WWC2: variants seen among roughly 807,000 people sequenced by gnomAD.
WWC2 encodes the protein WW and C2 domain containing 2.
A neutral mutation model predicts 138.5 loss-of-function variants in WWC2; 101 were observed. The observed-to-expected ratio is 0.73, with a 90% confidence interval of 0.62 to 0.86. The LOEUF (loss-of-function observed/expected upper bound fraction) is 0.86, where lower values mean the gene tolerates loss of function less well. WWC2 is among the 40% of genes least tolerant of loss of function. The pLI is 0.00. For missense variants in WWC2, 1,420 were observed against 1,419.4 expected, an observed-to-expected ratio of 1.00 and a Z score of -0.01; for synonymous variants, 558 against 538.4, an observed-to-expected ratio of 1.04 and a Z score of -0.50.
intron 1 of WWC2, among the ~76,000 whole-genome samples, chr4:183,113,295 A>G (rs1305083861): frequency 2.6e-5 from 4 of 151,978 alleles, no homozygotes; most frequent in Non-Finnish European, 5.9e-5. Flanking sequence ...GGAGGGTCTT[A>G]TGAAATGAGG....
Position 183,099,580 on chromosome 4 carries a change from A to T in WWC2, c.89A>T (p.Asp30Val). ...TACGACGGCAAGGTCTTCTACATTG[A>T]CCACAACACCAGGAGGACCAGCTGG... Reference protein sequence around the residue: ...RDYDGKVFYIDHNTRRTSWID... With the variant: ...RDYDGKVFYIVHNTRRTSWID... The change falls in exon 1 of 23, where the codon GAC becomes GTC. Residue 30 changes from aspartate to valine, a missense_variant. Coordinates refer to ENST00000403733, the MANE Select transcript of WWC2 (RefSeq NM_024949.6). 7.1e-7 allele frequency: 1 copy of T among 1,405,904 alleles called. No homozygotes were observed. Among genetic ancestry groups the T allele is most frequent in the Non-Finnish European group, 9.4e-7 (1 of 1,063,022 alleles). The allele number at this position is 1,405,904 out of a possible 1,614,324, so 87.1% of individuals were successfully genotyped here. A position where few individuals can be genotyped will look rare whatever the true frequency, so the allele number is the denominator to read the frequency against.
chr4:183,225,906 T>C (rs935364364), intron 4 of WWC2, among the ~76,000 whole-genome samples: 4 of 152,162 alleles, frequency 2.6e-5, no homozygotes. Context: ...CCACCAAATA[T>C]TGAATGCAGA....
chr4:183,226,093 TTC>T (rs1490503689), intron 4 of WWC2, among the ~76,000 whole-genome samples: 176 of 133,224 alleles, frequency 1.3e-3, no homozygotes, highest in African/African-American at 6.8e-3. Flanking sequence ...TTCTTTTCTT[TTC>T]TTTTTTTTTT....
intron 21 of WWC2, among the ~76,000 whole-genome samples, chr4:183,303,690 A>G (rs1738936004): frequency 6.6e-6 from 1 of 152,170 alleles, no homozygotes; most frequent in Non-Finnish European, 1.5e-5. Context: ...ATAAATTTGG[A>G]TTTTATATCA....
intron 16 of WWC2, among the ~76,000 whole-genome samples, chr4:183,277,981 A>G (rs1307595068): frequency 1.3e-5 from 2 of 151,630 alleles, no homozygotes; most frequent in African/African-American, 2.4e-5. Flanking sequence ...CTTTAGTTTA[A>G]TTAGATCCCA....
intron 4 of WWC2, among the ~76,000 whole-genome samples, chr4:183,227,935 C>G (rs1023372135): frequency 6.6e-6 from 1 of 151,814 alleles, no homozygotes; most frequent in African/African-American, 2.4e-5. Flanking sequence ...GCAAATGAGT[C>G]TAATATAAGA....
intron 21 of WWC2, among the ~76,000 whole-genome samples, chr4:183,300,229 G>A (rs1238125705): frequency 2.6e-5 from 4 of 152,246 alleles, no homozygotes; most frequent in Admixed American, 2.0e-4. Flanking sequence ...GTGGCTCCCA[G>A]GCCTCGTAAG....
At chr4:183,172,691 T>C (rs916364748) in intron 1 of WWC2, among the ~76,000 whole-genome samples, 1 of 152,092 alleles carries the variant, frequency 6.6e-6, no homozygotes, top group Admixed American at 6.5e-5. Flanking sequence ...TGTAGGCCTT[T>C]TGTAACCATT....
At chr4:183,298,047 G>A (rs1427125114) in intron 21 of WWC2, among the ~76,000 whole-genome samples, 1 of 152,172 alleles carries the variant, frequency 6.6e-6, no homozygotes, top group East Asian at 1.9e-4. Flanking sequence ...TGACTGCAAG[G>A]GCATTTGGGA....
At chr4:183,126,225 C>T (rs138680368) in intron 1 of WWC2, among the ~76,000 whole-genome samples, 1 of 152,340 alleles carries the variant, frequency 6.6e-6, no homozygotes, top group East Asian at 1.9e-4. Flanking sequence ...ATTTTGTCCA[C>T]TGCTGACAGA....
chr4:183,124,155 A>C (rs1282251013), intron 1 of WWC2, among the ~76,000 whole-genome samples: 1 of 152,188 alleles, frequency 6.6e-6, no homozygotes, highest in African/African-American at 2.4e-5. Flanking sequence ...TTAGTTATCT[A>C]TTTGGTAGCA....
At chr4:183,197,206 T>G (rs1203201066) in intron 2 of WWC2, among the ~76,000 whole-genome samples, 1 of 152,192 alleles carries the variant, frequency 6.6e-6, no homozygotes, top group Non-Finnish European at 1.5e-5. Context: ...ATATAAAATT[T>G]TAAGTCTGCT....
chr4:183,311,820 G>A (rs979012745), intron 21 of WWC2, among the ~76,000 whole-genome samples: 3 of 151,962 alleles, frequency 2.0e-5, no homozygotes, highest in East Asian at 3.9e-4. Context: ...CTCGTGATCC[G>A]CCTGCCTCGG....
intron 19 of WWC2, among the ~76,000 whole-genome samples, chr4:183,285,269 G>A (rs1288731300): frequency 6.6e-6 from 1 of 152,176 alleles, no homozygotes; most frequent in Admixed American, 6.5e-5. Flanking sequence ...GACAGTGAGT[G>A]TGGGCTATCT....
intron 1 of WWC2, among the ~76,000 whole-genome samples, chr4:183,140,609 A>G (rs1733272746): frequency 6.6e-6 from 1 of 152,236 alleles, no homozygotes; most frequent in Non-Finnish European, 1.5e-5. Flanking sequence ...ACTTTAAAGA[A>G]TATATTGGGT....
intron 1 of WWC2, among the ~76,000 whole-genome samples, chr4:183,108,024 AT>A (rs1420563384): frequency 1.3e-5 from 2 of 152,000 alleles, no homozygotes; most frequent in African/African-American, 4.8e-5. Context: ...GTATATATTA[AT>A]TTTTTTCTTT....
chr4:183,297,671 A>C (rs1420754954), intron 21 of WWC2, among the ~76,000 whole-genome samples: 1 of 152,116 alleles, frequency 6.6e-6, no homozygotes, highest in Non-Finnish European at 1.5e-5. Context: ...TGGCCTCCCA[A>C]AGTGCTGGGA....
At chr4:183,312,296 A>C (rs544355477) in intron 21 of WWC2, 45 bp from the exon 22 acceptor site, 2 of 1,601,332 alleles carry the variant, frequency 1.2e-6, no homozygotes, top group African/African-American at 2.7e-5. Flanking sequence ...AGGGATTTCT[A>C]ATCAGTGTTT....
At chr4:183,108,481 C>T (rs918459890) in intron 1 of WWC2, among the ~76,000 whole-genome samples, 1 of 152,194 alleles carries the variant, frequency 6.6e-6, no homozygotes, top group Non-Finnish European at 1.5e-5. Context: ...GAGAAACCCT[C>T]ACAGCCATGA....
Sources: allele counts gnomAD v4.1 joint callset (sites outside exome capture counted in the v4.1 genomes callset), GRCh38; gene constraint gnomAD v4.1.1; transcripts MANE v1.5; gene names NCBI Gene and HGNC (gene_info 2026-07-23, HGNC 2026-07-21).